VPS8: variants seen among roughly 807,000 people sequenced by gnomAD.
VPS8 encodes vacuolar protein sorting-associated protein 8 homolog.
A neutral mutation model predicts 216.4 loss-of-function variants in VPS8; 129 were observed. That is an observed-to-expected ratio of 0.60 (90% CI 0.52 to 0.69). The LOEUF is 0.69. Among genes scored for constraint, VPS8 ranks in the 30% least tolerant of loss-of-function variants. The pLI is 0.00. For missense variants in VPS8, 1,531 were observed against 1,683.5 expected (o/e 0.91, Z 1.59); for synonymous variants, 571 against 565.4 (o/e 1.01, Z -0.14).
intron 23 of VPS8, among the ~76,000 whole-genome samples, chr3:184,896,673 T>C (rs1733546650): frequency 1.3e-5 from 2 of 152,244 alleles, no homozygotes; most frequent in Non-Finnish European, 2.9e-5. Context: ...GTTTACTGAA[T>C]GTCAGGCTCT....
At chr3:185,026,875 A>AT (rs1215718236) in intron 46 of VPS8, among the ~76,000 whole-genome samples, 1 of 150,676 alleles carries the variant, frequency 6.6e-6, no homozygotes, top group African/African-American at 2.4e-5. Context: ...CACCTGGCTA[A>AT]TTTTTTTGTA....
chr3:184,996,382 A>G lies in VPS8; in HGVS notation c.3717A>G (p.Ser1239=). The change falls in exon 44 of 48, where the codon TCA becomes TCG. Residue 1239 remains serine, a synonymous_variant. Transcript: ENST00000625842. Reference sequence around the variant, plus strand: ...TTCTAAACCAAGATCTCCATTGGTCATTGTGTAACCTGAGAGCTTCGGTCA... The same window carrying G: ...TTCTAAACCAAGATCTCCATTGGTCGTTGTGTAACCTGAGAGCTTCGGTCA... ...TSLLNQDLHW[S]LCNLRASVTR... The G allele has an allele frequency of 6.2e-7, 1 of 1,613,854 alleles. No individual in the cohort carries two copies. Among genetic ancestry groups the G allele is most frequent in the Non-Finnish European group, 8.5e-7 (1 of 1,179,816 alleles).
At chr3:184,852,394 G>A in intron 10 of VPS8, 106 bp from the exon 11 acceptor site, 1 of 873,946 alleles carries the variant, frequency 1.1e-6, no homozygotes, top group Non-Finnish European at 1.7e-6. Context: ...TATTTCAAAA[G>A]CTATTAAATG....
At chr3:184,998,479 T>TTATA (rs10530534) in intron 44 of VPS8, among the ~76,000 whole-genome samples, 18 of 135,006 alleles carry the variant, frequency 1.3e-4, no homozygotes, top group African/African-American at 2.4e-4. Context: ...AAGAGGAAGT[T>TTATA]TATATATATA....
chr3:184,855,297 G>A (rs1725034332), intron 13 of VPS8, among the ~76,000 whole-genome samples: 4 of 151,710 alleles, frequency 2.6e-5, no homozygotes, highest in Admixed American at 2.6e-4. Context: ...CCATCCCTCT[G>A]TCCACTTATC....
intron 37 of VPS8, among the ~76,000 whole-genome samples, chr3:184,963,908 A>T (rs1746959435): frequency 6.6e-6 from 1 of 151,928 alleles, no homozygotes; most frequent in African/African-American, 2.4e-5. Flanking sequence ...TTAAACTGTT[A>T]ATGTGTTATT....
chr3:185,038,704 G>T (rs1450212183), intron 46 of VPS8, among the ~76,000 whole-genome samples: 1 of 152,174 alleles, frequency 6.6e-6, no homozygotes, highest in Non-Finnish European at 1.5e-5. Context: ...CTCTGAGCTG[G>T]GGCTCTGGAG....
At chr3:184,866,980 TTGTA>T (rs1451169310) in intron 17 of VPS8, 30 bp downstream of exon 17, 1 of 1,604,576 alleles carries the variant, frequency 6.2e-7, no homozygotes, top group Admixed American at 1.7e-5. Context: ...GAGTTGGTAT[TTGTA>T]TGTATCAGGG....
intron 46 of VPS8, 43 bp downstream of exon 46, chr3:185,024,432 A>G (rs1232318525): frequency 6.5e-7 from 1 of 1,533,162 alleles, no homozygotes; most frequent in Non-Finnish European, 8.9e-7. Context: ...TTCCTTCTGT[A>G]TGTTTATTCT....
chr3:184,830,513 T>G (rs1719763468), intron 3 of VPS8, among the ~76,000 whole-genome samples: 1 of 152,018 alleles, frequency 6.6e-6, no homozygotes, highest in African/African-American at 2.4e-5. Flanking sequence ...GATTGTGCAG[T>G]TTTTTTCACA....
At chr3:184,821,860 G>C (rs539041222) in intron 1 of VPS8, among the ~76,000 whole-genome samples, 2 of 152,214 alleles carry the variant, frequency 1.3e-5, no homozygotes, top group South Asian at 4.1e-4. Flanking sequence ...GAGAACAATG[G>C]AAATATCTCT....
At chr3:184,913,264 A>G (rs572457966) in intron 25 of VPS8, among the ~76,000 whole-genome samples, 67 of 152,284 alleles carry the variant, frequency 4.4e-4, no homozygotes, top group Admixed American at 1.7e-3. Flanking sequence ...AGTTAGGCCA[A>G]CAGTACATAG....
intron 36 of VPS8, chr3:184,944,423 C>T: frequency 2.5e-6 from 2 of 795,474 alleles, no homozygotes; most frequent in South Asian, 1.2e-4. Context: ...GACTCTACCC[C>T]CATCCCCTGG....
chr3:185,038,002 T>G (rs985058188), intron 46 of VPS8, among the ~76,000 whole-genome samples: 1 of 152,322 alleles, frequency 6.6e-6, no homozygotes, highest in Middle Eastern at 3.4e-3. Flanking sequence ...TTCCCTGGGG[T>G]TTGATCATAC....
chr3:184,949,745 C>G (rs1744312833), intron 36 of VPS8, among the ~76,000 whole-genome samples: 1 of 151,968 alleles, frequency 6.6e-6, no homozygotes, highest in African/African-American at 2.4e-5. Flanking sequence ...TTGGAACATT[C>G]ATTTATGTTT....
At chr3:185,019,347 G>GACACAC (rs111857967) in intron 45 of VPS8, among the ~76,000 whole-genome samples, 288 of 149,868 alleles carry the variant, frequency 1.9e-3, no homozygotes, top group Middle Eastern at 0.01. Flanking sequence ...AGGAATTAAA[G>GACACAC]ACACACACAC....
chr3:184,844,688 A>G (rs1475015302), intron 8 of VPS8, among the ~76,000 whole-genome samples: 2 of 152,224 alleles, frequency 1.3e-5, no homozygotes, highest in African/African-American at 2.4e-5. Context: ...GCTATTCAGC[A>G]TATTATTCTT....
chr3:184,908,992 G>A (rs1735996458), intron 25 of VPS8, among the ~76,000 whole-genome samples: 1 of 152,234 alleles, frequency 6.6e-6, no homozygotes. Flanking sequence ...CTCACTCCAA[G>A]TTGCAGGTTT....
At chr3:184,929,714 T>C in intron 33 of VPS8, 50 bp downstream of exon 33, 1 of 1,112,682 alleles carries the variant, frequency 9.0e-7, no homozygotes. Context: ...CTTTCCCTCT[T>C]ATTGAGTACA....
Sources: allele counts gnomAD v4.1 joint callset (sites outside exome capture counted in the v4.1 genomes callset), GRCh38; gene constraint gnomAD v4.1.1; transcripts MANE v1.5; gene names NCBI Gene and HGNC (gene_info 2026-07-23, HGNC 2026-07-21).